The following PTPN12 variants were observed in gnomAD, a reference collection of about 807,000 sequenced individuals.
PTPN12 encodes tyrosine-protein phosphatase non-receptor type 12.
Under a neutral mutation model 97.6 loss-of-function variants are expected in PTPN12, and 29 were observed. The observed-to-expected ratio is 0.30, with a 90% CI of 0.22 to 0.41. The LOEUF (loss-of-function observed/expected upper bound fraction) is 0.41. PTPN12 is among the 10% of genes least tolerant of loss of function. PTPN12 has a pLI of 1.00. For missense variants in PTPN12, 819 were observed against 926.0 expected, an observed-to-expected ratio of 0.88 and a Z score of 1.50; for synonymous variants, 327 against 300.4, an observed-to-expected ratio of 1.09 and a Z score of -0.91.
chr7:77,546,173 T>C (rs1807212695), intron 1 of PTPN12, among the ~76,000 whole-genome samples: 1 of 152,144 alleles, frequency 6.6e-6, no homozygotes, highest in South Asian at 2.1e-4. Context: ...TATAAACCAG[T>C]ACTTGGAAGA....
Position 77,544,903 on chromosome 7 carries a change from C to T in PTPN12, c.99+7258C>T, listed in dbSNP as rs561438544. Reference sequence around the variant, plus strand: ...GTGGTCCAAGGGTTTGTCTTCTAGACGATCATGAGAACTGCTTCTTCCCCT... The same window carrying T: ...GTGGTCCAAGGGTTTGTCTTCTAGATGATCATGAGAACTGCTTCTTCCCCT... On this transcript the variant is annotated intron_variant, in intron 1 of 17. Coordinates refer to ENST00000248594, the MANE Select transcript of PTPN12 (RefSeq NM_002835.4). Among the ~76,000 whole-genome samples, 24 of 152,284 alleles carry T rather than the reference C, an allele frequency of 1.6e-4. No homozygotes were observed. The South Asian group carries it at 3.3e-3, about 21-fold the overall frequency.
intron 8 of PTPN12, among the ~76,000 whole-genome samples, chr7:77,605,704 A>T (rs1409577276): frequency 6.6e-6 from 1 of 151,764 alleles, no homozygotes; most frequent in Non-Finnish European, 1.5e-5. Flanking sequence ...TACAGGCGTG[A>T]GCCACTGAGC....
intron 1 of PTPN12, among the ~76,000 whole-genome samples, chr7:77,539,441 G>C (rs1806842632): frequency 6.6e-6 from 1 of 152,010 alleles, no homozygotes; most frequent in Non-Finnish European, 1.5e-5. Context: ...TAAGGAAAAC[G>C]GCATTTTCCC....
intron 1 of PTPN12, among the ~76,000 whole-genome samples, chr7:77,549,899 A>G (rs926312344): frequency 6.6e-6 from 1 of 152,140 alleles, no homozygotes; most frequent in Non-Finnish European, 1.5e-5. Context: ...ACTTTTATCA[A>G]AGTAGTCACT....
rs79692755 is a variant in PTPN12 at position 77,573,179 on chromosome 7, ATAG to A, written c.208+1996_208+1998del. ...GCAAAATAACCAGTATACCTAGCACATAGTAACCAATCATTAAGCTTTTGCAAA... is the reference window on the plus strand; with the variant it reads ...GCAAAATAACCAGTATACCTAGCACATAACCAATCATTAAGCTTTTGCAAA... On this transcript the variant is annotated intron_variant, in intron 2 of 17. Coordinates refer to ENST00000248594, the MANE Select transcript of PTPN12 (RefSeq NM_002835.4). Among the ~76,000 whole-genome samples, 389 of 151,940 alleles carry A rather than the reference ATAG, an allele frequency of 2.6e-3. 1 individual carries two copies. Among genetic ancestry groups the A allele is most frequent in the Non-Finnish European group, 4.3e-3 (293 of 67,988 alleles).
intron 1 of PTPN12, among the ~76,000 whole-genome samples, chr7:77,558,079 TG>T (rs1807803151): frequency 6.6e-6 from 1 of 150,742 alleles, no homozygotes; most frequent in Admixed American, 6.6e-5. Context: ...GGCCTGGTGG[TG>T]GGCGCGTGTA....
chr7:77,585,745 A>G (rs923951807), intron 5 of PTPN12, among the ~76,000 whole-genome samples, 164 bp downstream of exon 5: 2 of 152,054 alleles, frequency 1.3e-5, no homozygotes. Flanking sequence ...TCTCTCAAGC[A>G]TGTTGTTTTC....
rs1159287372 is a variant in PTPN12 at position 77,632,530 on chromosome 7, C to T, written c.2074+105C>T. 10 of 815,232 alleles carry T rather than the reference C, an allele frequency of 1.2e-5. No individual in the cohort carries two copies. In the East Asian group the frequency reaches 2.1e-4, roughly 17 times the overall value. 50.5% of individuals were successfully genotyped at this position (815,232 alleles called of 1,614,324 possible). ...AGCTATTGTGCTACATAATTAAATT[C>T]AAAAACAAGTAAATTGATGTTGACA... On this transcript the variant is annotated intron_variant, in intron 14 of 17. Transcript: ENST00000248594.
chr7:77,576,855 TAACA>T (rs1488252790), intron 2 of PTPN12, among the ~76,000 whole-genome samples: 3 of 152,204 alleles, frequency 2.0e-5, no homozygotes, highest in African/African-American at 7.2e-5. Context: ...GGGTGCCACT[TAACA>T]AACTGCAGAA....
rs763529354 is a variant in PTPN12 at position 77,592,298 on chromosome 7, C to T, written c.492+42C>T. 3 of 1,429,164 alleles carry T rather than the reference C, an allele frequency of 2.1e-6. No homozygotes were observed. Among genetic ancestry groups the T allele is most frequent in the Admixed American group, 3.8e-5 (2 of 52,672 alleles). 88.5% of individuals were successfully genotyped at this position (1,429,164 alleles called of 1,614,324 possible). A position where few individuals can be genotyped will look rare whatever the true frequency, so the allele number is the denominator to read the frequency against. ...GTAAACACTTTTTTCAGAAAATTGGCATGCTATACTGATGAATAATTAAAT... is the reference window on the plus strand; with the variant it reads ...GTAAACACTTTTTTCAGAAAATTGGTATGCTATACTGATGAATAATTAAAT... On this transcript the variant is annotated intron_variant, in intron 6 of 17. Transcript: ENST00000248594.
At chr7:77,614,075 T>TTTGTAGAGATG (rs11283671) in intron 11 of PTPN12, among the ~76,000 whole-genome samples, 105,440 of 151,050 alleles carry the variant, frequency 0.7, 38,165 homozygotes, top group East Asian at 0.9. Context: ...AAAATTTTTT[T>TTTGTAGAGATG]TTGTAGAGAT....
At chr7:77,625,565 CTT>C (rs1179793825) in intron 12 of PTPN12, among the ~76,000 whole-genome samples, 8 of 24,152 alleles carry the variant, frequency 3.3e-4, no homozygotes, top group Non-Finnish European at 4.4e-4. Flanking sequence ...CTCTCTCTCT[CTT>C]TTTTTTTTTT....
chr7:77,599,043 G>C (rs925849073), intron 7 of PTPN12, among the ~76,000 whole-genome samples: 1 of 151,256 alleles, frequency 6.6e-6, no homozygotes, highest in Non-Finnish European at 1.5e-5. Context: ...GATGAAATGA[G>C]AGTGTAATAT....
chr7:77,637,128 C>G (rs1789622402), intron 16 of PTPN12, 80 bp downstream of exon 16: 1 of 1,119,694 alleles, frequency 8.9e-7, no homozygotes, highest in Admixed American at 2.0e-5. Flanking sequence ...CTTCATAGTT[C>G]ATGCTATATA....
intron 2 of PTPN12, among the ~76,000 whole-genome samples, chr7:77,579,780 G>A (rs1462564646): frequency 6.6e-6 from 1 of 152,092 alleles, no homozygotes; most frequent in Non-Finnish European, 1.5e-5. Flanking sequence ...GTGGAAAAAT[G>A]GGCAAAGGAT....
intron 13 of PTPN12, among the ~76,000 whole-genome samples, chr7:77,630,413 T>C (rs1789358690): frequency 6.6e-6 from 1 of 152,190 alleles, no homozygotes; most frequent in Non-Finnish European, 1.5e-5. Context: ...TGTCATAGAA[T>C]GTATTTACAC....
intron 3 of PTPN12, among the ~76,000 whole-genome samples, chr7:77,582,081 G>GTTTTTTTTTT (rs1237836254): frequency 2.2e-4 from 16 of 74,322 alleles, no homozygotes; most frequent in Non-Finnish European, 3.6e-4. Flanking sequence ...AAGCAGTCAA[G>GTTTTTTTTTT]TTCTTTTTTT....
chr7:77,570,780 C>T (rs903570251), intron 1 of PTPN12, among the ~76,000 whole-genome samples: 8 of 152,218 alleles, frequency 5.3e-5, no homozygotes, highest in Middle Eastern at 3.4e-3. Flanking sequence ...TGAAATTACT[C>T]GAATATGTTA....
intron 11 of PTPN12, among the ~76,000 whole-genome samples, chr7:77,612,265 A>T (rs1027661036): frequency 1.3e-5 from 2 of 152,120 alleles, no homozygotes; most frequent in African/African-American, 4.8e-5. Flanking sequence ...TAGCCAAGTG[A>T]CAATTTCACG....
Sources: gnomAD v4.1 joint callset for allele counts (sites outside exome capture counted in the v4.1 genomes callset) on GRCh38, gnomAD v4.1.1 for gene constraint, MANE v1.5 for transcripts, NCBI Gene and HGNC (gene_info 2026-07-23, HGNC 2026-07-21) for gene names.